CPED1: variants seen among roughly 807,000 people sequenced by gnomAD.
The protein encoded by CPED1 is cadherin like and PC-esterase domain containing 1.
Under a neutral mutation model 128.2 loss-of-function variants are expected in CPED1, and 114 were observed. The observed-to-expected ratio is 0.89, with a 90% CI of 0.76 to 1.04. The LOEUF is 1.04. CPED1 is among the 50% of genes least tolerant of loss of function. The pLI is 0.00. For synonymous variants in CPED1, 462 were observed against 426.7 expected, an observed-to-expected ratio of 1.08 and a Z score of -1.02; for missense variants, 1,211 against 1,207.1, an observed-to-expected ratio of 1.00 and a Z score of -0.05.
At chr7:120,990,477 T>C (rs1399826451) in intron 2 of CPED1, among the ~76,000 whole-genome samples, 4 of 152,190 alleles carry the variant, frequency 2.6e-5, no homozygotes, top group African/African-American at 9.7e-5. Flanking sequence ...TCTATATTTA[T>C]ACTATTCAGA....
chr7:121,256,664 C>T (rs1217449498), intron 18 of CPED1, among the ~76,000 whole-genome samples: 2 of 152,032 alleles, frequency 1.3e-5, no homozygotes, highest in African/African-American at 4.8e-5. Context: ...GAACTTAAAA[C>T]TGAGCTATTA....
chr7:121,140,888 T>G lies in CPED1; in HGVS notation c.1761T>G (p.Pro587=), dbSNP rs752435703. 4 of 1,612,560 alleles carry G rather than the reference T, an allele frequency of 2.5e-6. No homozygotes were observed. The highest frequency in any genetic ancestry group is 3.3e-5 in the Admixed American group (2 of 59,822). The part of the protein sequence containing the change: ...IFTHPHLELN[P]DFHPKIKDYY... ...CACATCCACATTTGGAACTAAATCC[T>G]GACTTTCATCCAAAGATCAAAGATT... The change falls in exon 15 of 23, where the codon CCT becomes CCG. Residue 587 remains proline, a synonymous_variant. Coordinates refer to ENST00000310396, the MANE Select transcript of CPED1 (RefSeq NM_024913.5).
chr7:121,083,260 C>A (rs1051004269), intron 5 of CPED1, among the ~76,000 whole-genome samples: 17 of 152,142 alleles, frequency 1.1e-4, no homozygotes, highest in Non-Finnish European at 2.4e-4. Context: ...AGTCTTATGC[C>A]TGGGATTCAT....
At chr7:121,123,847 C>G (rs767434676) in intron 7 of CPED1, among the ~76,000 whole-genome samples, 1 of 152,084 alleles carries the variant, frequency 6.6e-6, no homozygotes, top group African/African-American at 2.4e-5. Context: ...TTCTAATATG[C>G]CCCCAAAATT....
At chr7:121,035,661 CCT>C (rs1563000036) in intron 3 of CPED1, among the ~76,000 whole-genome samples, 2 of 151,732 alleles carry the variant, frequency 1.3e-5, no homozygotes, top group African/African-American at 4.8e-5. Flanking sequence ...GAGTGAGACC[CCT>C]GTCTCTACAA....
At chr7:121,219,464 T>G (rs979704018) in intron 16 of CPED1, among the ~76,000 whole-genome samples, 1 of 152,062 alleles carries the variant, frequency 6.6e-6, no homozygotes, top group Non-Finnish European at 1.5e-5. Flanking sequence ...AGATTTGGAA[T>G]GCATGAGAAA....
chr7:121,201,087 A>T (rs758685144), intron 16 of CPED1, among the ~76,000 whole-genome samples: 4 of 152,232 alleles, frequency 2.6e-5, no homozygotes, highest in Non-Finnish European at 5.9e-5. Context: ...TTTTTGAGAA[A>T]ATCGGATCTG....
chr7:121,201,107 G>GT (rs1797385419), intron 16 of CPED1, among the ~76,000 whole-genome samples: 1 of 152,072 alleles, frequency 6.6e-6, no homozygotes, highest in Non-Finnish European at 1.5e-5. Context: ...GAGATACAAG[G>GT]TAGGAGGAGG....
At chr7:121,090,169 T>C (rs887312426) in intron 5 of CPED1, among the ~76,000 whole-genome samples, 1 of 152,166 alleles carries the variant, frequency 6.6e-6, no homozygotes, top group Non-Finnish European at 1.5e-5. Flanking sequence ...CGTTCATGGC[T>C]TGCGTTTACT....
chr7:121,228,377 C>T (rs1250182911), intron 16 of CPED1, among the ~76,000 whole-genome samples: 2 of 151,520 alleles, frequency 1.3e-5, no homozygotes, highest in Non-Finnish European at 2.9e-5. Flanking sequence ...CCAATGGGTA[C>T]ATGAAAAAAT....
At chr7:121,091,048 G>C (rs572600871) in intron 5 of CPED1, among the ~76,000 whole-genome samples, 1 of 151,802 alleles carries the variant, frequency 6.6e-6, no homozygotes, top group South Asian at 2.1e-4. Context: ...AATAGTTCCT[G>C]GAGTTTTGTC....
intron 5 of CPED1, among the ~76,000 whole-genome samples, chr7:121,087,164 T>C (rs1794443952): frequency 6.6e-6 from 1 of 152,200 alleles, no homozygotes; most frequent in African/African-American, 2.4e-5. Flanking sequence ...TTAATATAGT[T>C]TTTTTTCTTT....
At chr7:121,208,744 G>A (rs1353464346) in intron 16 of CPED1, among the ~76,000 whole-genome samples, 1 of 152,102 alleles carries the variant, frequency 6.6e-6, no homozygotes. Context: ...GCATTCAAGT[G>A]AGTTTCACAG....
At chr7:121,207,073 T>G (rs935082841) in intron 16 of CPED1, among the ~76,000 whole-genome samples, 1 of 152,074 alleles carries the variant, frequency 6.6e-6, no homozygotes, top group Admixed American at 6.6e-5. Context: ...TCAGGAGATA[T>G]GAAATTACCT....
intron 16 of CPED1, among the ~76,000 whole-genome samples, chr7:121,152,563 C>T (rs2402560): frequency 0.44 from 66,797 of 152,066 alleles, 15,964 homozygotes; most frequent in East Asian, 0.84. Flanking sequence ...TACTGATGCT[C>T]TAAGGGAGTT....
At chr7:121,093,407 C>T (rs1471168052) in intron 5 of CPED1, among the ~76,000 whole-genome samples, 1 of 149,676 alleles carries the variant, frequency 6.7e-6, no homozygotes, top group African/African-American at 2.5e-5. Context: ...TACACACACA[C>T]ACACACACAC....
intron 4 of CPED1, among the ~76,000 whole-genome samples, chr7:121,057,953 G>C (rs2538489): frequency 0.011 from 1,742 of 152,288 alleles, 31 homozygotes; most frequent in African/African-American, 0.039. Context: ...CCAAGAAAGT[G>C]ACATTTGAGT....
At chr7:121,043,207 C>T (rs989051225) in intron 3 of CPED1, among the ~76,000 whole-genome samples, 1 of 151,996 alleles carries the variant, frequency 6.6e-6, no homozygotes, top group African/African-American at 2.4e-5. Context: ...CAGGTAGGAG[C>T]AGATTCTGGG....
At chr7:121,005,937 T>G (rs900674455) in intron 2 of CPED1, among the ~76,000 whole-genome samples, 1 of 152,164 alleles carries the variant, frequency 6.6e-6, no homozygotes, top group Non-Finnish European at 1.5e-5. Flanking sequence ...TGGAACTTAA[T>G]TAGTGTCAGC....
Sources: allele counts gnomAD v4.1 joint callset (sites outside exome capture counted in the v4.1 genomes callset), GRCh38; gene constraint gnomAD v4.1.1; transcripts MANE v1.5; gene names NCBI Gene and HGNC (gene_info 2026-07-23, HGNC 2026-07-21).